The following SHANK1 variants were observed in gnomAD, a reference collection of about 807,000 sequenced individuals.
SHANK1 encodes the protein SH3 and multiple ankyrin repeat domains 1, also known as SH3 and multiple ankyrin repeat domains protein 1.
Under a neutral mutation model 165.6 loss-of-function variants are expected in SHANK1, and 35 were observed. The observed-to-expected ratio is 0.21, with a 90% confidence interval of 0.16 to 0.28. The LOEUF (loss-of-function observed/expected upper bound fraction) is 0.28. SHANK1 is among the 10% of genes least tolerant of loss of function. SHANK1 has a pLI of 1.00. For missense variants in SHANK1, 2,681 were observed against 3,036.4 expected (o/e 0.88, Z 2.75); for synonymous variants, 1,428 against 1,384.8 (o/e 1.03, Z -0.69).
At chr19:50,706,756 CTTTATTTTTATTTATTTA>C (rs1430028563) in intron 8 of SHANK1, among the ~76,000 whole-genome samples, 2 of 151,740 alleles carry the variant, frequency 1.3e-5, no homozygotes, top group Non-Finnish European at 2.9e-5. Context: ...CTCTTCCTTG[CTTTATTTTTATTTATTTA>C]TTTATTTTTA....
intron 12 of SHANK1, among the ~76,000 whole-genome samples, chr19:50,701,548 T>C (rs1483637998): frequency 6.6e-6 from 1 of 152,036 alleles, no homozygotes; most frequent in Non-Finnish European, 1.5e-5. Context: ...CTAAGTACTT[T>C]ACATGATCTG....
rs1985129973 is a variant in SHANK1, at chr19:50,659,979, C to A, written c.*1986G>T. Among the ~76,000 whole-genome samples the A allele has an allele frequency of 6.6e-6, 1 of 151,170 alleles. No individual in the cohort carries two copies. Among genetic ancestry groups the A allele is most frequent in the South Asian group, 2.1e-4 (1 of 4,776 alleles). On this transcript the variant is annotated 3_prime_UTR_variant, in exon 24 of 24. Transcript: ENST00000293441. ...CCCTCCCACGAGGTTCCCCGCAGATCCCTGACATGGTGAGGGGAGGGGGCT... is the reference window on the plus strand; with the variant it reads ...CCCTCCCACGAGGTTCCCCGCAGATACCTGACATGGTGAGGGGAGGGGGCT...
At chr19:50,664,942 A>G (rs1985416366) in intron 23 of SHANK1, among the ~76,000 whole-genome samples, 2 of 152,020 alleles carry the variant, frequency 1.3e-5, no homozygotes, top group African/African-American at 4.8e-5. Flanking sequence ...TTTTTTTAGT[A>G]GAGATGGGGT....
rs1255409949 is a variant in SHANK1 at position 50,690,432 on chromosome 19, A to G, written c.1965-1153T>C. Among the ~76,000 whole-genome samples the G allele has an allele frequency of 1.3e-5, 2 of 152,086 alleles. No homozygotes were observed. Among genetic ancestry groups the G allele is most frequent in the Non-Finnish European group, 2.9e-5 (2 of 68,002 alleles). ...CCCAGTCTACATCAGGAATACTCAG[A>G]CACCCTGGCTGCAACCCCACTGCCT... On this transcript the variant is annotated intron_variant, in intron 15 of 23. Transcript: ENST00000293441. The surrounding 1 kb of genome is among the most constrained non-coding windows in gnomAD (Gnocchi z 4.9).
At chr19:50,693,709 C>G (rs1160282211) in intron 15 of SHANK1, among the ~76,000 whole-genome samples, 2 of 152,152 alleles carry the variant, frequency 1.3e-5, no homozygotes, top group Non-Finnish European at 2.9e-5. Context: ...GAGGCCACCA[C>G]AGAGGGACGC....
chr19:50,703,758 G>C lies in SHANK1; in HGVS notation c.1295C>G (p.Pro432Arg). ...GTCACTGTTGGCCCGCAGCAGCGCC[G>C]GGGGCACCGTCAGCCCTGTGCCTGG... ...GPPGTGLTVP[P>R]ALLRANSDTS... is the part of the protein sequence containing the mutation. Residue 432 changes from proline to arginine, a missense_variant, in exon 11 of 24, where the codon CCG (proline) becomes CGG (arginine). Physicochemically the swap from Pro to Arg is moderately radical, Grantham distance 103. This residue lies in a region of SHANK1 where 49 missense variants were observed against 55.6 expected (regional missense o/e 0.88). Coordinates refer to ENST00000293441, the MANE Select transcript of SHANK1 (RefSeq NM_016148.5). 2 of 1,427,870 alleles carry C rather than the reference G, an allele frequency of 1.4e-6. No homozygotes were observed. Among genetic ancestry groups the C allele is most frequent in the Non-Finnish European group, 9.1e-7 (1 of 1,094,730 alleles). 88.5% of individuals were successfully genotyped at this position (1,427,870 alleles called of 1,614,324 possible).
chr19:50,688,180 C>T lies in SHANK1; in HGVS notation c.2173-122G>A. On this transcript the variant is annotated intron_variant, in intron 17 of 23. Coordinates refer to ENST00000293441, the MANE Select transcript of SHANK1 (RefSeq NM_016148.5). This position sits in a 1 kb window ranked among gnomAD's most constrained non-coding sequence, Gnocchi z 6.7. Reference sequence around the variant, plus strand: ...GTCCATGGCCCTCTGGGCTATGTTCCTCTCCCTCCGACCCTTCATACCACC... The same window carrying T: ...GTCCATGGCCCTCTGGGCTATGTTCTTCTCCCTCCGACCCTTCATACCACC... 3 of 1,233,362 alleles carry T rather than the reference C, an allele frequency of 2.4e-6. No individual in the cohort carries two copies. The highest frequency in any genetic ancestry group is 3.4e-6 in the Non-Finnish European group (3 of 872,668). The allele number at this position is 1,233,362 out of a possible 1,614,324, so 76.4% of individuals were successfully genotyped here.
Position 50,662,410 on chromosome 19 carries a change from G to T in SHANK1, c.6041C>A (p.Ala2014Glu). 1 of 1,564,566 alleles carries T rather than the reference G, an allele frequency of 6.4e-7. No individual in the cohort carries two copies. The highest frequency in any genetic ancestry group is 8.7e-7 in the Non-Finnish European group (1 of 1,155,086). ...GATGGGCAGGGACGAGGGCCTGGGC[G>T]CAGGGCTGACCTTGTGCTCCGAGGC... ...LPASEHKVSP[A>E]PRPSSLPILP... The change falls in exon 24 of 24, where the codon GCG becomes GAG. Residue 2014 changes from alanine to glutamate, a missense_variant. This residue lies in a region of SHANK1 where 1,713 missense variants were observed against 1,630.2 expected (regional missense o/e 1.05). Coordinates refer to ENST00000293441, the MANE Select transcript of SHANK1 (RefSeq NM_016148.5). This position sits in a 1 kb window ranked among gnomAD's most constrained non-coding sequence, Gnocchi z 7.7.
At chr19:50,715,556 A>T in intron 4 of SHANK1, 103 bp downstream of exon 4, 1 of 1,023,036 alleles carries the variant, frequency 9.8e-7, no homozygotes, top group Non-Finnish European at 1.5e-6. Context: ...TGGCTTGGGG[A>T]ATGTGGAGGT....
rs1439209900 is a variant in SHANK1 at position 50,686,895 on chromosome 19, G to C, written c.2390-83C>G. ...GCTCGGCCTGTGGGCGTGGCCAGCA[G>C]GTGCGGGCCAGTGGGCGTGGCGGGC... On this transcript the variant is annotated intron_variant, in intron 19 of 23. Transcript: ENST00000293441. The surrounding 1 kb of genome is among the most constrained non-coding windows in gnomAD (Gnocchi z 5.7). 16 of 1,528,836 alleles carry C rather than the reference G, an allele frequency of 1.0e-5. No individual in the cohort carries two copies. Among genetic ancestry groups the C allele is most frequent in the Non-Finnish European group, 1.4e-5 (16 of 1,122,948 alleles). 94.7% of individuals were successfully genotyped at this position (1,528,836 alleles called of 1,614,324 possible).
chr19:50,664,451 C>G (rs552685133), intron 23 of SHANK1, among the ~76,000 whole-genome samples: 1 of 152,310 alleles, frequency 6.6e-6, no homozygotes, highest in Admixed American at 6.5e-5. Context: ...TCGAGGCCCC[C>G]TCTTCCCCCA....
At position 50,667,371 on chromosome 19, in the gene SHANK1, G is replaced by C. The variant is rs764051197; in HGVS notation, c.4589C>G (p.Ser1530Cys). ...PPSPRRSVPPSPTSPRASEEN... is the reference protein window; with the variant it reads ...PPSPRRSVPPCPTSPRASEEN... ...TTCGCTGGCCCTCGGGGAGGTCGGG[G>C]AGGGGGGCACGGACCGGCGTGGGCT... Residue 1530 changes from serine (S) to cysteine (C), a missense_variant, in exon 23 of 24, where the codon TCC becomes TGC. This residue lies in a region of SHANK1 where 1,713 missense variants were observed against 1,630.2 expected (regional missense o/e 1.05). Coordinates refer to ENST00000293441, the MANE Select transcript of SHANK1 (RefSeq NM_016148.5). This position sits in a 1 kb window ranked among gnomAD's most constrained non-coding sequence, Gnocchi z 5.7. 28 of 1,536,832 alleles carry C rather than the reference G, an allele frequency of 1.8e-5. No individual in the cohort carries two copies. The East Asian group carries it at 4.8e-4, about 26-fold the overall frequency.
chr19:50,690,234 G>A lies in SHANK1; in HGVS notation c.1965-955C>T, dbSNP rs1305080963. On this transcript the variant is annotated intron_variant, in intron 15 of 23. Coordinates refer to ENST00000293441, the MANE Select transcript of SHANK1 (RefSeq NM_016148.5). The surrounding 1 kb of genome is among the most constrained non-coding windows in gnomAD (Gnocchi z 4.9). The stretch of plus-strand genomic sequence containing the variant: ...AATATGGGTGGTAGTTTCCAGTAAA[G>A]CCATCAAATGCCACCAGCACATTTA... Among the ~76,000 whole-genome samples, 1 of 152,052 alleles carries A rather than the reference G, an allele frequency of 6.6e-6. No homozygotes were observed. Among genetic ancestry groups the A allele is most frequent in the African/African-American group, 2.4e-5 (1 of 41,354 alleles).
Position 50,702,207 on chromosome 19 carries a change from G to A in SHANK1, c.1747+260C>T, listed in dbSNP as rs546466352. On this transcript the variant is annotated intron_variant, in intron 12 of 23. Transcript: ENST00000293441. The surrounding 1 kb of genome is among the most constrained non-coding windows in gnomAD (Gnocchi z 5.3). ...ATCAGGAGTCTAATGAGACGATTTGGTGAGAAGTTCCAGCCATGCCCTGCA... is the reference window on the plus strand; with the variant it reads ...ATCAGGAGTCTAATGAGACGATTTGATGAGAAGTTCCAGCCATGCCCTGCA... 1.8e-4 allele frequency among the ~76,000 whole-genome samples: 27 copies of A among 152,224 alleles called. No individual in the cohort carries two copies. Among genetic ancestry groups the A allele is most frequent in the Middle Eastern group, 3.4e-3 (1 of 292 alleles).
At chr19:50,708,159 C>T (rs955136816) in intron 8 of SHANK1, among the ~76,000 whole-genome samples, 1 of 151,974 alleles carries the variant, frequency 6.6e-6, no homozygotes, top group African/African-American at 2.4e-5. Flanking sequence ...CTTGGCCAGA[C>T]TTGTCTTGAA....
Position 50,716,852 on chromosome 19 carries a change from C to A in SHANK1, c.68G>T (p.Gly23Val), listed in dbSNP as rs879093481. The A allele has an allele frequency of 6.5e-7, 1 of 1,538,948 alleles. No individual in the cohort carries two copies. The highest frequency in any genetic ancestry group is 8.7e-7 in the Non-Finnish European group (1 of 1,146,068). Reference protein sequence around the residue: ...RHSASECPEGGSESDSSPDGP... With the variant: ...RHSASECPEGVSESDSSPDGP... ...GTCTGGGGAGCTGTCGGACTCTGAG[C>A]CCCCCTCGGGACACTCGCTGGCACT... Residue 23 changes from glycine to valine, a missense_variant, in exon 2 of 24, where the codon GGC becomes GTC. Physicochemically the swap from Gly to Val is moderately radical, Grantham distance 109 (BLOSUM62 -3). This residue lies in a region of SHANK1 where 118 missense variants were observed against 106.9 expected (regional missense o/e 1.10). Transcript: ENST00000293441. The surrounding 1 kb of genome is among the most constrained non-coding windows in gnomAD (Gnocchi z 8.4).
Position 50,686,910 on chromosome 19 carries a change from G to C in SHANK1, c.2390-98C>G, listed in dbSNP as rs1023715220. On this transcript the variant is annotated intron_variant, in intron 19 of 23. Transcript: ENST00000293441. This position sits in a 1 kb window ranked among gnomAD's most constrained non-coding sequence, Gnocchi z 5.7. ...GTGGCCAGCAGGTGCGGGCCAGTGG[G>C]CGTGGCGGGCGCGAGAGGGGCAGTG... 1.4e-6 allele frequency: 2 copies of C among 1,456,176 alleles called. No individual in the cohort carries two copies. Among genetic ancestry groups the C allele is most frequent in the East Asian group, 2.5e-5 (1 of 40,058 alleles). 90.2% of individuals were successfully genotyped at this position (1,456,176 alleles called of 1,614,324 possible).
Position 50,686,507 on chromosome 19 carries a change from A to C in SHANK1, c.2459-152T>G. The C allele has an allele frequency of 1.4e-6, 1 of 720,568 alleles. No individual in the cohort carries two copies. Among genetic ancestry groups the C allele is most frequent in the South Asian group, 1.8e-5 (1 of 55,556 alleles). 44.6% of individuals were successfully genotyped at this position (720,568 alleles called of 1,614,324 possible). A position where few individuals can be genotyped will look rare whatever the true frequency, so the allele number is the denominator to read the frequency against. On this transcript the variant is annotated intron_variant, in intron 20 of 23. Coordinates refer to ENST00000293441, the MANE Select transcript of SHANK1 (RefSeq NM_016148.5). This position sits in a 1 kb window ranked among gnomAD's most constrained non-coding sequence, Gnocchi z 5.7. The stretch of plus-strand genomic sequence containing the variant: ...CCTGCCTGGGTCCGGGTGGACGGGC[A>C]GTCCCGCTTGGAGACACAATCTCCC...
chr19:50,681,712 G>A (rs1986187686), intron 21 of SHANK1, among the ~76,000 whole-genome samples: 1 of 152,188 alleles, frequency 6.6e-6, no homozygotes, highest in Admixed American at 6.5e-5. Context: ...GTCTCTGGAG[G>A]CATACACAGA....
Sources: allele counts gnomAD v4.1 joint callset (sites outside exome capture counted in the v4.1 genomes callset), GRCh38; gene constraint gnomAD v4.1.1; regional missense constraint gnomAD v4.1.1; non-coding constraint Gnocchi (gnomAD v3.1); transcripts MANE v1.5; gene names NCBI Gene and HGNC (gene_info 2026-07-23, HGNC 2026-07-21).